FGF14: variants seen among roughly 807,000 people sequenced by gnomAD.
FGF14 encodes fibroblast growth factor homologous factor 4.
A neutral mutation model predicts 25.5 loss-of-function variants in FGF14; 5 were observed. The ratio of observed to expected loss-of-function variants is 0.20; its 90% CI spans 0.10 to 0.41. FGF14 has a LOEUF of 0.41. FGF14 is among the 10% of genes least tolerant of loss of function. FGF14 has a pLI of 1.00. For synonymous variants in FGF14, 138 were observed against 118.3 expected (o/e 1.17, Z -1.08); for missense variants, 222 against 320.1 (o/e 0.69, Z 2.34).
chr13:101,770,867 T>C (rs775534754), intron 3 of FGF14, among the ~76,000 whole-genome samples: 3 of 152,064 alleles, frequency 2.0e-5, no homozygotes, highest in Non-Finnish European at 4.4e-5. Flanking sequence ...AAGAATGACA[T>C]AGAACTATCA....
At chr13:101,736,167 A>G (rs2036173669) in intron 3 of FGF14, among the ~76,000 whole-genome samples, 1 of 152,200 alleles carries the variant, frequency 6.6e-6, no homozygotes. Flanking sequence ...TAACACAAAT[A>G]TCACATTAAG....
chr13:102,374,249 T>TA (rs2057968790), intron 1 of FGF14, among the ~76,000 whole-genome samples: 1 of 152,128 alleles, frequency 6.6e-6, no homozygotes, highest in African/African-American at 2.4e-5. Context: ...TCTGATTATC[T>TA]ATTGAAGAGA....
At chr13:102,372,151 T>C (rs1436837403) in intron 1 of FGF14, among the ~76,000 whole-genome samples, 5 of 152,186 alleles carry the variant, frequency 3.3e-5, no homozygotes, top group African/African-American at 1.2e-4. Flanking sequence ...CTAAGAAGTA[T>C]TTCTCTCTAC....
intron 1 of FGF14, among the ~76,000 whole-genome samples, chr13:101,907,371 T>C (rs1310165693): frequency 2.0e-5 from 3 of 152,170 alleles, no homozygotes; most frequent in African/African-American, 7.2e-5. Flanking sequence ...AAAAAGATGA[T>C]CGCATAAAGG....
chr13:101,936,300 T>C (rs2035099393), intron 1 of FGF14, among the ~76,000 whole-genome samples: 1 of 152,136 alleles, frequency 6.6e-6, no homozygotes, highest in African/African-American at 2.4e-5. Context: ...GTTGATTTAT[T>C]AGTGATTTAC....
intron 1 of FGF14, among the ~76,000 whole-genome samples, chr13:102,062,103 GCA>G (rs1171953212): frequency 6.6e-6 from 1 of 152,032 alleles, no homozygotes; most frequent in Admixed American, 6.6e-5. Context: ...AACAACAGCA[GCA>G]AAAAGTCTAT....
chr13:101,817,996 T>G (rs989013214), intron 3 of FGF14, among the ~76,000 whole-genome samples: 9 of 152,208 alleles, frequency 5.9e-5, no homozygotes, highest in African/African-American at 2.2e-4. Context: ...ACTCTCTCAG[T>G]TATTCAGTCA....
intron 1 of FGF14, among the ~76,000 whole-genome samples, chr13:101,993,830 T>C (rs967447247): frequency 6.6e-6 from 1 of 151,824 alleles, no homozygotes; most frequent in Non-Finnish European, 1.5e-5. Context: ...TTGTGACGAG[T>C]TAATGGGTGC....
At chr13:102,276,338 T>TGC (rs2053542720) in intron 1 of FGF14, among the ~76,000 whole-genome samples, 1 of 28,726 alleles carries the variant, frequency 3.5e-5, no homozygotes, top group South Asian at 8.8e-4. Flanking sequence ...CGTACGTGTG[T>TGC]GTGTGTGTGT....
At chr13:101,746,466 T>C (rs1158102082) in intron 3 of FGF14, among the ~76,000 whole-genome samples, 1 of 151,976 alleles carries the variant, frequency 6.6e-6, no homozygotes. Context: ...TCAGTGGTGC[T>C]TCCCCCCAAA....
chr13:101,952,146 T>C lies in FGF14; in HGVS notation c.209-76850A>G, dbSNP rs140744897. On this transcript the variant is annotated intron_variant, in intron 1 of 4. Transcript: ENST00000376131. Reference sequence around the variant, plus strand: ...GTCTTTGAAATAAGCATCCAAACTATGCATTATTATCCCACTTCATAGATA... The same window carrying C: ...GTCTTTGAAATAAGCATCCAAACTACGCATTATTATCCCACTTCATAGATA... Among the ~76,000 whole-genome samples the C allele has an allele frequency of 2.1e-4, 32 of 152,304 alleles. No homozygotes were observed. In the East Asian group the frequency reaches 6.2e-3, roughly 29 times the overall value.
At chr13:101,966,783 A>G (rs2037230643) in intron 1 of FGF14, among the ~76,000 whole-genome samples, 1 of 152,118 alleles carries the variant, frequency 6.6e-6, no homozygotes, top group African/African-American at 2.4e-5. Context: ...GCCTGGCCAA[A>G]TCATTGTGTT....
intron 3 of FGF14, among the ~76,000 whole-genome samples, chr13:101,833,388 T>C (rs2042771674): frequency 6.6e-6 from 1 of 152,080 alleles, no homozygotes; most frequent in Non-Finnish European, 1.5e-5. Context: ...TTAAGACATA[T>C]TTTCAACAGC....
chr13:101,715,959 C>T lies in FGF14; in HGVS notation c.*6872G>A, dbSNP rs942098361. 2.5e-4 allele frequency: 79 copies of T among 313,796 alleles called. No individual in the cohort carries two copies. The highest frequency in any genetic ancestry group is 4.7e-4 in the Non-Finnish European group (77 of 164,364). 19.4% of individuals were successfully genotyped at this position (313,796 alleles called of 1,614,324 possible). A position where few individuals can be genotyped will look rare whatever the true frequency, so the allele number is the denominator to read the frequency against. ...GACAATTTTGATTGTCACACTGGGT[C>T]GGGTAGGAAGGTATGCTGCAGACAT... On this transcript the variant is annotated 3_prime_UTR_variant, in exon 5 of 5. Coordinates refer to ENST00000376143, the MANE Select transcript of FGF14 (RefSeq NM_004115.4).
At chr13:101,878,321 C>T (rs765607910) in intron 1 of FGF14, among the ~76,000 whole-genome samples, 7 of 152,182 alleles carry the variant, frequency 4.6e-5, no homozygotes, top group Non-Finnish European at 8.8e-5. Flanking sequence ...TTTTCCTCCT[C>T]CCCACTCTGG....
intron 1 of FGF14, among the ~76,000 whole-genome samples, chr13:101,922,684 A>C (rs1004343603): frequency 3.9e-5 from 6 of 152,140 alleles, no homozygotes; most frequent in Non-Finnish European, 7.4e-5. Context: ...CAAACAAGAA[A>C]CAGCCTTATT....
At chr13:102,277,579 G>GGCTCTGCTCTGC (rs1344217209) in intron 1 of FGF14, among the ~76,000 whole-genome samples, 38 of 152,192 alleles carry the variant, frequency 2.5e-4, no homozygotes, top group Non-Finnish European at 4.9e-4. Flanking sequence ...GCCAGCCCTG[G>GGCTCTGCTCTGC]GCTCTGCTCT....
chr13:101,895,573 A>G (rs1347482189), intron 1 of FGF14, among the ~76,000 whole-genome samples: 1 of 152,236 alleles, frequency 6.6e-6, no homozygotes, highest in Non-Finnish European at 1.5e-5. Context: ...CAAGTGAAAG[A>G]TGATTACTCT....
chr13:102,282,588 A>T (rs1468243213), intron 1 of FGF14, among the ~76,000 whole-genome samples: 7 of 152,198 alleles, frequency 4.6e-5, no homozygotes, highest in Admixed American at 4.6e-4. Context: ...TTCAACATTT[A>T]TCTTAAGCTA....
Sources: allele counts gnomAD v4.1 joint callset (sites outside exome capture counted in the v4.1 genomes callset), GRCh38; gene constraint gnomAD v4.1.1; transcripts MANE v1.5; gene names NCBI Gene and HGNC (gene_info 2026-07-23, HGNC 2026-07-21).